Variants in ESRRG observed in about 807,000 individuals in gnomAD.
ESRRG encodes estrogen related receptor gamma, also known as estrogen-related receptor gamma.
In ESRRG, 13 loss-of-function variants were observed where a neutral mutation model predicts 44.0. The observed-to-expected ratio is 0.30, with a 90% CI of 0.19 to 0.47. ESRRG has a LOEUF of 0.47. Ranked by LOEUF, ESRRG falls within the 20% of genes least tolerant of loss-of-function variation. The pLI is 1.00. For synonymous variants in ESRRG, 215 were observed against 214.6 expected, an observed-to-expected ratio of 1.00 and a Z score of -0.02; for missense variants, 395 against 580.6, an observed-to-expected ratio of 0.68 and a Z score of 3.29.
chr1:217,096,407 C>T (rs2092423425), intron 1 of ESRRG, among the ~76,000 whole-genome samples: 1 of 152,232 alleles, frequency 6.6e-6, no homozygotes, highest in South Asian at 2.1e-4. Flanking sequence ...AACTCAGCGT[C>T]ATGGAAAGAA....
intron 1 of ESRRG, among the ~76,000 whole-genome samples, chr1:216,969,606 A>G (rs2071215116): frequency 6.6e-6 from 1 of 152,008 alleles, no homozygotes. Flanking sequence ...CTTTTTTGAG[A>G]CGGAGTTTCG....
intron 1 of ESRRG, among the ~76,000 whole-genome samples, chr1:216,971,756 AG>A (rs1443621961): frequency 1.3e-5 from 2 of 152,232 alleles, no homozygotes; most frequent in Non-Finnish European, 2.9e-5. Flanking sequence ...TCTCCCCAGT[AG>A]GACATACAGC....
intron 3 of ESRRG, among the ~76,000 whole-genome samples, chr1:216,628,762 T>C (rs2063608633): frequency 6.6e-6 from 1 of 152,036 alleles, no homozygotes; most frequent in Admixed American, 6.6e-5. Flanking sequence ...AAGCAAAACC[T>C]TCAAAACTTC....
intron 2 of ESRRG, among the ~76,000 whole-genome samples, chr1:216,765,949 C>T (rs994062423): frequency 6.6e-6 from 1 of 152,026 alleles, no homozygotes; most frequent in Non-Finnish European, 1.5e-5. Context: ...TCATTTCTTG[C>T]GACTGATGTA....
intron 5 of ESRRG, among the ~76,000 whole-genome samples, chr1:216,563,704 T>C (rs2059186491): frequency 6.6e-6 from 1 of 152,214 alleles, no homozygotes; most frequent in Admixed American, 6.5e-5. Flanking sequence ...AAAGTTACCA[T>C]GTCCATTTAA....
intron 1 of ESRRG, among the ~76,000 whole-genome samples, chr1:216,683,603 G>C (rs1465184230): frequency 6.6e-6 from 1 of 152,126 alleles, no homozygotes; most frequent in African/African-American, 2.4e-5. Flanking sequence ...AGAAAAATCA[G>C]AGCTGAAAGC....
chr1:217,082,595 C>T (rs1322586539), intron 1 of ESRRG, among the ~76,000 whole-genome samples: 2 of 151,992 alleles, frequency 1.3e-5, no homozygotes, highest in East Asian at 3.9e-4. Context: ...TTCCTTTTGG[C>T]TTCACATCTC....
At chr1:216,764,547 G>A (rs2092972382) in intron 2 of ESRRG, among the ~76,000 whole-genome samples, 1 of 151,510 alleles carries the variant, frequency 6.6e-6, no homozygotes, top group African/African-American at 2.4e-5. Context: ...GGGATTACAG[G>A]CATGAGACAC....
intron 1 of ESRRG, among the ~76,000 whole-genome samples, chr1:217,038,527 G>A (rs186695502): frequency 8.9e-4 from 135 of 152,306 alleles, no homozygotes; most frequent in African/African-American, 2.8e-3. Context: ...AAGGTTTGGG[G>A]TTTCCACCCT....
rs568077882 is a variant in ESRRG at position 216,764,562 on chromosome 1, C to T, written c.-13-87071G>A. 9.5e-5 allele frequency among the ~76,000 whole-genome samples: 14 copies of T among 147,966 alleles called. No homozygotes were observed. In the South Asian group the frequency reaches 3.1e-3, roughly 33 times the overall value. On this transcript the variant is annotated intron_variant, in intron 2 of 7. Transcript: ENST00000359162. Reference sequence around the variant, plus strand: ...GGGATTACAGGCATGAGACACCATGCCCGGCCCAGGGGGGGACTCTTAACT... The same window carrying T: ...GGGATTACAGGCATGAGACACCATGTCCGGCCCAGGGGGGGACTCTTAACT...
intron 1 of ESRRG, among the ~76,000 whole-genome samples, chr1:216,964,926 C>T (rs1204956224): frequency 1.3e-5 from 2 of 152,264 alleles, no homozygotes; most frequent in African/African-American, 4.8e-5. Context: ...CAGAAAAATA[C>T]ATTTCATAAA....
At chr1:216,837,200 G>T (rs754725590) in intron 2 of ESRRG, among the ~76,000 whole-genome samples, 2 of 151,914 alleles carry the variant, frequency 1.3e-5, no homozygotes, top group Non-Finnish European at 2.9e-5. Flanking sequence ...ACGAGGTCAG[G>T]AGATCGAGAC....
intron 1 of ESRRG, among the ~76,000 whole-genome samples, chr1:216,982,342 G>T (rs1416323102): frequency 6.6e-6 from 1 of 152,158 alleles, no homozygotes; most frequent in Non-Finnish European, 1.5e-5. Flanking sequence ...TGAGCCAAAA[G>T]TTTTATGTTC....
intron 1 of ESRRG, among the ~76,000 whole-genome samples, chr1:217,035,482 AT>A (rs202101779): frequency 6.6e-6 from 1 of 151,950 alleles, no homozygotes; most frequent in East Asian, 1.9e-4. Flanking sequence ...AAGGAGGCCT[AT>A]TTTTTTACTA....
intron 2 of ESRRG, among the ~76,000 whole-genome samples, chr1:216,873,414 A>G (rs1023280855): frequency 1.3e-5 from 2 of 151,640 alleles, no homozygotes; most frequent in Non-Finnish European, 2.9e-5. Context: ...GTTTCGCCAC[A>G]TTGGCCAGGC....
intron 2 of ESRRG, among the ~76,000 whole-genome samples, chr1:216,839,720 C>T (rs995529345): frequency 3.8e-4 from 45 of 119,430 alleles, no homozygotes; most frequent in African/African-American, 1.5e-3. Context: ...TTTCATTCAT[C>T]TATTGAACAG....
At chr1:216,773,232 A>G (rs181417401) in intron 2 of ESRRG, among the ~76,000 whole-genome samples, 19 of 152,240 alleles carry the variant, frequency 1.2e-4, no homozygotes, top group Admixed American at 2.6e-4. Flanking sequence ...AGAGATTGGA[A>G]TTAGAAAATT....
chr1:216,666,132 T>C (rs1172575415), intron 2 of ESRRG, among the ~76,000 whole-genome samples: 2 of 152,210 alleles, frequency 1.3e-5, no homozygotes, highest in Admixed American at 1.3e-4. Flanking sequence ...CAAGAACTGA[T>C]GCTCCCTTTC....
chr1:216,607,268 G>A (rs2060055793), intron 3 of ESRRG, among the ~76,000 whole-genome samples: 1 of 152,134 alleles, frequency 6.6e-6, no homozygotes, highest in Non-Finnish European at 1.5e-5. Flanking sequence ...AGTTAGATGT[G>A]GAAAAAACTG....
Sources: gnomAD v4.1 joint callset for allele counts (sites outside exome capture counted in the v4.1 genomes callset) on GRCh38, gnomAD v4.1.1 for gene constraint, MANE v1.5 for transcripts, NCBI Gene and HGNC (gene_info 2026-07-23, HGNC 2026-07-21) for gene names.